PTBP1: variants seen among roughly 807,000 people sequenced by gnomAD.
PTBP1 encodes polypyrimidine tract binding protein 1.
A neutral mutation model predicts 59.8 loss-of-function variants in PTBP1; 8 were observed. The observed-to-expected ratio is 0.13, with a 90% CI of 0.08 to 0.24. The LOEUF is 0.24. Ranked by LOEUF, PTBP1 falls within the 10% of genes least tolerant of loss-of-function variation. The pLI is 1.00. For missense variants in PTBP1, 686 were observed against 767.0 expected (o/e 0.89, Z 1.25); for synonymous variants, 490 against 320.7 (o/e 1.53, Z -5.64).
At chr19:807,545 T>G in intron 10 of PTBP1, 1 of 380,050 alleles carries the variant, frequency 2.6e-6, no homozygotes, top group Non-Finnish European at 4.7e-6. Flanking sequence ...ACTTTTTTTC[T>G]TTTCTCCCCT....
intron 9 of PTBP1, 139 bp downstream of exon 9, chr19:805,708 C>A: frequency 1.3e-6 from 1 of 743,494 alleles, no homozygotes. Context: ...GGAGAGGGGA[C>A]GCCACGTCCA....
chr19:810,731 G>A lies in PTBP1; in HGVS notation c.1579G>A (p.Val527Met), dbSNP rs1372913403. The A allele has an allele frequency of 3.1e-6, 5 of 1,609,576 alleles. No homozygotes were observed. The highest frequency in any genetic ancestry group is 1.7e-4 in the Middle Eastern group (1 of 6,038). Residue 527 changes from valine (V) to methionine (M), a missense_variant, in exon 15 of 15, where the codon GTG (valine) becomes ATG (methionine). Physicochemically the swap from Val to Met is conservative, Grantham distance 21. Transcript: ENST00000356948. ...GATGGCACTGATCCAGATGGGCTCC[G>A]TGGAGGAGGCGGTCCAGGCCCTCAT... is the stretch of plus-strand genomic sequence containing the variant. Reference protein sequence around the residue: ...RKMALIQMGSVEEAVQALIDL... With the variant: ...RKMALIQMGSMEEAVQALIDL...
chr19:810,073 G>A (rs764686632), intron 13 of PTBP1, among the ~76,000 whole-genome samples: 5 of 152,158 alleles, frequency 3.3e-5, no homozygotes, highest in Non-Finnish European at 7.4e-5. Context: ...TTAGGAGGCC[G>A]AGGCAGGCAG....
Position 808,487 on chromosome 19 carries a change from C to T in PTBP1, c.1246+35C>T. 6.4e-7 allele frequency: 1 copy of T among 1,560,268 alleles called. No homozygotes were observed. The highest frequency in any genetic ancestry group is 8.7e-7 in the Non-Finnish European group (1 of 1,153,294). On this transcript the variant is annotated intron_variant, in intron 12 of 14. Coordinates refer to ENST00000356948, the MANE Select transcript of PTBP1 (RefSeq NM_002819.5). This position sits in a 1 kb window ranked among gnomAD's most constrained non-coding sequence, Gnocchi z 4.7. ...CGGGGCGGCCCCGGGGTGGAGGGGG[C>T]AGGGGCGGGGGCTGCGTTCCCTCTC...
chr19:806,730 C>T (rs1307390876), intron 10 of PTBP1, 174 bp downstream of exon 10: 20 of 540,874 alleles, frequency 3.7e-5, no homozygotes, highest in South Asian at 2.5e-4. Context: ...CTTGAGTTTT[C>T]CTCTTTTCCT....
At chr19:806,673 T>C (rs351976) in intron 10 of PTBP1, 117 bp downstream of exon 10, 331,712 of 1,008,274 alleles carry the variant, frequency 0.33, 62,576 homozygotes, top group African/African-American at 0.75. Flanking sequence ...GCCTCTGCCC[T>C]GGCAGCCCCT....
Position 810,531 on chromosome 19 carries a change from C to T in PTBP1, c.1464-12C>T. On this transcript the variant is annotated splice_polypyrimidine_tract_variant and intron_variant, in intron 13 of 14. Coordinates refer to ENST00000356948, the MANE Select transcript of PTBP1 (RefSeq NM_002819.5). ...CACGCGGCCCCAGGCTCACGCCTTT[C>T]TCCTCCCACAGGCCCTCAGTCTCCG... is the stretch of plus-strand genomic sequence containing the variant. The T allele has an allele frequency of 1.2e-6, 2 of 1,611,964 alleles. No individual in the cohort carries two copies. Among genetic ancestry groups the T allele is most frequent in the South Asian group, 2.2e-5 (2 of 90,814 alleles).
chr19:806,652 G>A (rs963004499), intron 10 of PTBP1, 96 bp downstream of exon 10: 5 of 1,242,370 alleles, frequency 4.0e-6, no homozygotes, highest in East Asian at 3.1e-5. Flanking sequence ...GCCGCCCCTC[G>A]CTGTGTCTGC....
rs2034909607 is a variant in PTBP1 at position 812,098 on chromosome 19, GCTAACAGCAATT to G, written c.*1274_*1285del. ...TTATGGTGACACAAATGTATATTTT[GCTAACAGCAATT>G]CCAGGCTCAGTATTGTGACCGCGGA... On this transcript the variant is annotated 3_prime_UTR_variant, in exon 15 of 15. Coordinates refer to ENST00000356948, the MANE Select transcript of PTBP1 (RefSeq NM_002819.5). 6.6e-6 allele frequency: 1 copy of G among 152,394 alleles called. No homozygotes were observed. Among genetic ancestry groups the G allele is most frequent in the Non-Finnish European group, 1.5e-5 (1 of 68,040 alleles). The allele number at this position is 152,394 out of a possible 1,614,324, so 9.4% of individuals were successfully genotyped here. A position where few individuals can be genotyped will look rare whatever the true frequency, so the allele number is the denominator to read the frequency against.
At chr19:803,494 GGC>G in intron 2 of PTBP1, 65 bp from the exon 3 acceptor site, 1 of 1,415,006 alleles carries the variant, frequency 7.1e-7, no homozygotes, top group Admixed American at 1.7e-5. Flanking sequence ...GAGCAGGGCC[GGC>G]CGGTGGGGAA....
intron 2 of PTBP1, among the ~76,000 whole-genome samples, chr19:801,270 C>A (rs1473573145): frequency 5.3e-5 from 8 of 152,192 alleles, no homozygotes; most frequent in Non-Finnish European, 1.0e-4. Flanking sequence ...GGCGCTAGGC[C>A]CAGCTCGTGT....
chr19:800,229 C>T (rs984178368), intron 2 of PTBP1, among the ~76,000 whole-genome samples: 8 of 152,040 alleles, frequency 5.3e-5, no homozygotes, highest in African/African-American at 9.7e-5. Flanking sequence ...CCGCCAGACC[C>T]GGCTGACATT....
Position 804,564 on chromosome 19 carries a change from G to A in PTBP1, c.468G>A (p.Ser156=), listed in dbSNP as rs138794851. The A allele has an allele frequency of 3.1e-5, 50 of 1,608,266 alleles. No homozygotes were observed. The highest frequency in any genetic ancestry group is 4.4e-5 in the South Asian group (4 of 90,938). The change falls in exon 6 of 15, where the codon TCG becomes TCA. Residue 156 remains serine, a synonymous_variant. Transcript: ENST00000356948. ...AGGCGGCCCTGCAGGCGGTGAACTCGGTCCAGTCGGGGAACCTGGCCTTGG... is the reference window on the plus strand; with the variant it reads ...AGGCGGCCCTGCAGGCGGTGAACTCAGTCCAGTCGGGGAACCTGGCCTTGG... The part of the protein sequence containing the change: ...RAQAALQAVN[S]VQSGNLALAA...
intron 1 of PTBP1, chr19:798,452 T>TA (rs2034179633): frequency 6.6e-6 from 1 of 152,308 alleles, no homozygotes; most frequent in African/African-American, 2.4e-5. Context: ...CAGTCACTTT[T>TA]AAAAGTCTGT....
Position 804,893 on chromosome 19 carries a change from C to G in PTBP1, c.671C>G (p.Ala224Gly). The G allele has an allele frequency of 1.9e-6, 3 of 1,613,968 alleles. No individual in the cohort carries two copies. Among genetic ancestry groups the G allele is most frequent in the Non-Finnish European group, 2.5e-6 (3 of 1,179,914 alleles). The change falls in exon 7 of 15, where the codon GCC becomes GGC. Residue 224 changes from alanine (A) to glycine (G), a missense_variant. Physicochemically the swap from Ala to Gly is moderately conservative, Grantham distance 60. Transcript: ENST00000356948. ...TTCACCAAGAACAACCAGTTCCAGG[C>G]CCTGCTGCAGTATGCGGACCCCGTG... The part of the protein sequence containing the change: ...ITFTKNNQFQ[A>G]LLQYADPVSA...
chr19:804,496 G>C (rs544781240), intron 5 of PTBP1, 36 bp from the exon 6 acceptor site: 15 of 1,592,202 alleles, frequency 9.4e-6, no homozygotes, highest in South Asian at 8.9e-5. Flanking sequence ...GGGCCCAGCC[G>C]CAGGGGCCGG....
At chr19:810,482 G>A in intron 13 of PTBP1, 61 bp from the exon 14 acceptor site, 1 of 1,470,842 alleles carries the variant, frequency 6.8e-7, no homozygotes. Flanking sequence ...AAGCCTCGCG[G>A]ACCTGACTGG....
chr19:805,855 C>A (rs1307097329), intron 9 of PTBP1: 2 of 454,292 alleles, frequency 4.4e-6, no homozygotes, highest in Non-Finnish European at 8.0e-6. Flanking sequence ...GCGCGAGGAC[C>A]GCCAGTGGTT....
intron 9 of PTBP1, chr19:805,872 A>T (rs997922541): frequency 4.6e-6 from 2 of 431,748 alleles, no homozygotes; most frequent in African/African-American, 2.0e-5. Flanking sequence ...GGTTGGAGGG[A>T]TGTCTCTAGT....
Sources: gnomAD v4.1 joint callset for allele counts (sites outside exome capture counted in the v4.1 genomes callset) on GRCh38, gnomAD v4.1.1 for gene constraint, Gnocchi (gnomAD v3.1) non-coding constraint, MANE v1.5 for transcripts, NCBI Gene and HGNC (gene_info 2026-07-23, HGNC 2026-07-21) for gene names.